The following PDGFC variants were observed in gnomAD, a reference collection of about 807,000 sequenced individuals.
PDGFC encodes platelet-derived growth factor C.
A neutral mutation model predicts 35.5 loss-of-function variants in PDGFC; 12 were observed. The observed-to-expected ratio is 0.34, with a 90% confidence interval of 0.22 to 0.55. The LOEUF is 0.55. PDGFC is among the 20% of genes least tolerant of loss of function. PDGFC has a pLI of 0.91. For synonymous variants in PDGFC, 159 were observed against 148.8 expected, an observed-to-expected ratio of 1.07 and a Z score of -0.50; for missense variants, 322 against 412.4, an observed-to-expected ratio of 0.78 and a Z score of 1.90.
At chr4:156,894,822 T>C (rs1730592528) in intron 1 of PDGFC, among the ~76,000 whole-genome samples, 1 of 152,200 alleles carries the variant, frequency 6.6e-6, no homozygotes. Flanking sequence ...TTAGTCCATT[T>C]GATTCAGATT....
At chr4:156,824,608 C>A (rs1421066409) in intron 2 of PDGFC, among the ~76,000 whole-genome samples, 1 of 152,048 alleles carries the variant, frequency 6.6e-6, no homozygotes, top group African/African-American at 2.4e-5. Context: ...TATGACTGAT[C>A]AGTTCCTGAC....
chr4:156,846,339 T>G (rs1046429366), intron 2 of PDGFC, among the ~76,000 whole-genome samples: 16 of 151,802 alleles, frequency 1.1e-4, no homozygotes, highest in African/African-American at 3.4e-4. Flanking sequence ...AAGAGCATTC[T>G]GGCCAATATA....
intron 1 of PDGFC, among the ~76,000 whole-genome samples, chr4:156,864,121 A>G (rs974068970): frequency 3.3e-5 from 5 of 152,112 alleles, no homozygotes; most frequent in Non-Finnish European, 5.9e-5. Context: ...CTGACTGGCT[A>G]AACTGCCTAA....
chr4:156,837,893 A>T (rs932013461), intron 2 of PDGFC, among the ~76,000 whole-genome samples: 2 of 152,100 alleles, frequency 1.3e-5, no homozygotes, highest in African/African-American at 4.8e-5. Flanking sequence ...AAACCAAAAC[A>T]TCTCATTAGC....
intron 3 of PDGFC, among the ~76,000 whole-genome samples, chr4:156,810,003 C>T (rs1254353847): frequency 6.6e-6 from 1 of 151,832 alleles, no homozygotes; most frequent in African/African-American, 2.4e-5. Context: ...TGGCCCTCAA[C>T]GCCACCCTAG....
At chr4:156,873,572 C>T (rs1730037208) in intron 1 of PDGFC, among the ~76,000 whole-genome samples, 1 of 152,106 alleles carries the variant, frequency 6.6e-6, no homozygotes, top group Non-Finnish European at 1.5e-5. Context: ...GAAATCTATT[C>T]ATTTAAGAAA....
chr4:156,864,666 C>T (rs1038522240), intron 1 of PDGFC, among the ~76,000 whole-genome samples: 3 of 151,826 alleles, frequency 2.0e-5, no homozygotes, highest in Non-Finnish European at 2.9e-5. Flanking sequence ...TGGTGTGGTA[C>T]GGCAGTACAA....
rs200685464 is a variant in PDGFC at position 156,869,015 on chromosome 4, AT to A, written c.119-18600del. ...TTAGGAACTCTAGTTTCTCCTCTAC[AT>A]TAGTTTCTAATTTCAATTAATGGAA... On this transcript the variant is annotated intron_variant, in intron 1 of 5. Transcript: ENST00000502773. Among the ~76,000 whole-genome samples, 153 of 152,332 alleles carry A rather than the reference AT, an allele frequency of 1.0e-3. 1 individual carries two copies. In the East Asian group the frequency reaches 0.023, roughly 22 times the overall value.
intron 2 of PDGFC, among the ~76,000 whole-genome samples, chr4:156,844,554 C>G (rs779240658): frequency 4.0e-5 from 6 of 151,710 alleles, no homozygotes; most frequent in Non-Finnish European, 7.4e-5. Flanking sequence ...AGAGAGACAA[C>G]TATAACATAC....
chr4:156,798,874 C>T (rs1044419654), intron 3 of PDGFC, among the ~76,000 whole-genome samples: 1 of 152,118 alleles, frequency 6.6e-6, no homozygotes, highest in African/African-American at 2.4e-5. Flanking sequence ...TGTTATTCCA[C>T]TGGAAAAAAA....
intron 1 of PDGFC, among the ~76,000 whole-genome samples, chr4:156,948,565 G>T (rs2110930183): frequency 6.6e-6 from 1 of 152,020 alleles, no homozygotes; most frequent in Admixed American, 6.6e-5. Flanking sequence ...TGCCTTCCCT[G>T]AACCCTCTGT....
At chr4:156,843,200 C>G (rs534833022) in intron 2 of PDGFC, among the ~76,000 whole-genome samples, 12 of 152,138 alleles carry the variant, frequency 7.9e-5, no homozygotes, top group Non-Finnish European at 1.6e-4. Context: ...CACAAGAGAT[C>G]CCTCACCCAT....
At chr4:156,885,598 G>A (rs1248894524) in intron 1 of PDGFC, among the ~76,000 whole-genome samples, 1 of 151,908 alleles carries the variant, frequency 6.6e-6, no homozygotes, top group African/African-American at 2.4e-5. Flanking sequence ...TGTGTAATAA[G>A]ATTTAGGTCA....
chr4:156,787,956 G>A (rs972591478), intron 3 of PDGFC, among the ~76,000 whole-genome samples: 9 of 152,264 alleles, frequency 5.9e-5, no homozygotes, highest in African/African-American at 1.9e-4. Flanking sequence ...CAGTCTAGGA[G>A]AGGAGTAGAG....
intron 1 of PDGFC, among the ~76,000 whole-genome samples, chr4:156,941,876 G>A (rs1038262080): frequency 1.3e-5 from 2 of 151,958 alleles, no homozygotes; most frequent in African/African-American, 4.8e-5. Flanking sequence ...TGTTAATAAA[G>A]TAAAAATTGA....
intron 1 of PDGFC, among the ~76,000 whole-genome samples, chr4:156,945,201 T>C (rs932658066): frequency 2.6e-5 from 4 of 151,554 alleles, no homozygotes; most frequent in African/African-American, 9.7e-5. Context: ...ATTCTGCTCA[T>C]TGCTTTTTAA....
intron 3 of PDGFC, among the ~76,000 whole-genome samples, chr4:156,806,349 TATACTC>T (rs1489160111): frequency 6.6e-6 from 1 of 152,054 alleles, no homozygotes; most frequent in African/African-American, 2.4e-5. Flanking sequence ...TATAAACTGA[TATACTC>T]ATTAAATGGA....
At chr4:156,935,492 G>T (rs1432725181) in intron 1 of PDGFC, among the ~76,000 whole-genome samples, 2 of 152,092 alleles carry the variant, frequency 1.3e-5, no homozygotes, top group Non-Finnish European at 2.9e-5. Flanking sequence ...ACAAACATGT[G>T]AGTAATACAC....
intron 5 of PDGFC, among the ~76,000 whole-genome samples, chr4:156,765,605 G>T (rs192245269): frequency 6.6e-6 from 1 of 152,206 alleles, no homozygotes; most frequent in East Asian, 1.9e-4. Context: ...CAGACATAAT[G>T]TAAGAATGTA....
Sources: allele counts gnomAD v4.1 joint callset (sites outside exome capture counted in the v4.1 genomes callset), GRCh38; gene constraint gnomAD v4.1.1; transcripts MANE v1.5; gene names NCBI Gene and HGNC (gene_info 2026-07-23, HGNC 2026-07-21).